The following ARB2A variants were observed in gnomAD, a reference collection of about 807,000 sequenced individuals.
The protein encoded by ARB2A is cotranscriptional regulator ARB2A.
chr5:93,902,015 A>G, the ARB2A span, among the ~76,000 whole-genome samples: 4 of 152,252 alleles, frequency 2.6e-5, no homozygotes, highest in African/African-American at 7.2e-5. Context: ...CAGCTTATCT[A>G]GAATTATTTG....
At chr5:94,069,871 C>T in the ARB2A span, among the ~76,000 whole-genome samples, 1 of 152,112 alleles carries the variant, frequency 6.6e-6, no homozygotes, top group Admixed American at 6.5e-5. Context: ...CCATGGAAAA[C>T]AGTATGGGCA....
At chr5:93,667,777 A>C in the ARB2A span, among the ~76,000 whole-genome samples, 1 of 152,206 alleles carries the variant, frequency 6.6e-6, no homozygotes, top group Non-Finnish European at 1.5e-5. Flanking sequence ...TTAAAAGTCA[A>C]GCCACAATTT....
chr5:93,753,216 C>T, the ARB2A span, among the ~76,000 whole-genome samples: 1 of 152,180 alleles, frequency 6.6e-6, no homozygotes, highest in Non-Finnish European at 1.5e-5. Flanking sequence ...AGTGACACCA[C>T]ATTCTAGAGG....
chr5:94,072,886 A>T, the ARB2A span, among the ~76,000 whole-genome samples: 1 of 152,122 alleles, frequency 6.6e-6, no homozygotes, highest in Non-Finnish European at 1.5e-5. Flanking sequence ...TCATTATTAC[A>T]GCAAACTAAT....
the ARB2A span, among the ~76,000 whole-genome samples, chr5:93,623,096 CTCTAT>C: frequency 6.6e-6 from 1 of 151,998 alleles, no homozygotes; most frequent in African/African-American, 2.4e-5. Flanking sequence ...AAATGTGTGT[CTCTAT>C]TCTATAGTGT....
At chr5:93,725,492 CA>C in the ARB2A span, among the ~76,000 whole-genome samples, 1 of 152,176 alleles carries the variant, frequency 6.6e-6, no homozygotes, top group South Asian at 2.1e-4. Context: ...ATAATTTATG[CA>C]TAACAATCTA....
At chr5:93,911,651 C>CACACACAT in the ARB2A span, among the ~76,000 whole-genome samples, 1 of 151,528 alleles carries the variant, frequency 6.6e-6, no homozygotes, top group Non-Finnish European at 1.5e-5. Flanking sequence ...CACACACACA[C>CACACACAT]ACATACACAC....
At chr5:93,966,302 C>G in the ARB2A span, among the ~76,000 whole-genome samples, 1 of 151,936 alleles carries the variant, frequency 6.6e-6, no homozygotes, top group Non-Finnish European at 1.5e-5. Flanking sequence ...TACCACCATG[C>G]CAAATACTTG....
chr5:93,908,884 TA>T, the ARB2A span, among the ~76,000 whole-genome samples: 9 of 150,766 alleles, frequency 6.0e-5, no homozygotes, highest in African/African-American at 1.7e-4. Flanking sequence ...CCTCCATGTT[TA>T]AAAAAAATGT....
the ARB2A span, among the ~76,000 whole-genome samples, chr5:93,706,304 A>G: frequency 6.6e-6 from 1 of 152,252 alleles, no homozygotes; most frequent in East Asian, 1.9e-4. Context: ...AAAAAGCCAC[A>G]TATTCTGTGA....
At chr5:93,738,789 T>C in the ARB2A span, 3 of 152,168 alleles carry the variant, frequency 2.0e-5, no homozygotes, top group African/African-American at 4.8e-5. Context: ...GGGTAGGGGA[T>C]AGGGGAATGG....
chr5:93,621,196 G>A, the ARB2A span: 2 of 1,446,026 alleles, frequency 1.4e-6, no homozygotes, highest in Admixed American at 2.2e-5. Context: ...GGGCGGCGAG[G>A]GCCAGGCCGA....
chr5:93,630,771 T>C, the ARB2A span, among the ~76,000 whole-genome samples: 1 of 152,040 alleles, frequency 6.6e-6, no homozygotes, highest in African/African-American at 2.4e-5. Context: ...ATGCCCTCTC[T>C]ACCAAAAATA....
At chr5:93,679,749 C>T in the ARB2A span, among the ~76,000 whole-genome samples, 2 of 151,826 alleles carry the variant, frequency 1.3e-5, no homozygotes, top group Admixed American at 1.3e-4. Context: ...AATTTTATGC[C>T]CCAAAATTCA....
chr5:93,958,793 A>G, the ARB2A span: 5 of 1,541,804 alleles, frequency 3.2e-6, no homozygotes, highest in Non-Finnish European at 4.4e-6. Context: ...AGCTCTTTTA[A>G]TAAACGGTAT....
the ARB2A span, among the ~76,000 whole-genome samples, chr5:93,888,710 C>T: frequency 1.3e-5 from 2 of 151,738 alleles, no homozygotes; most frequent in Non-Finnish European, 2.9e-5. Flanking sequence ...AGCTGTTTAA[C>T]GATTACAGTA....
the ARB2A span, among the ~76,000 whole-genome samples, chr5:93,807,214 C>T: frequency 6.6e-6 from 1 of 151,782 alleles, no homozygotes; most frequent in African/African-American, 2.4e-5. Flanking sequence ...TGTTTTTTGG[C>T]AGATCATATA....
the ARB2A span, chr5:93,824,065 G>T: frequency 8.8e-7 from 1 of 1,141,870 alleles, no homozygotes; most frequent in Non-Finnish European, 1.2e-6. Flanking sequence ...ATAACTTAAA[G>T]AGTATTGATA....
the ARB2A span, among the ~76,000 whole-genome samples, chr5:94,093,856 T>C: frequency 3.6e-4 from 55 of 152,168 alleles, no homozygotes; most frequent in Non-Finnish European, 7.8e-4. Context: ...ACAAGTTATG[T>C]ATTTCCAAAA....
Sources: allele counts gnomAD v4.1 joint callset (sites outside exome capture counted in the v4.1 genomes callset), GRCh38; gene constraint gnomAD v4.1.1; transcripts MANE v1.5; gene names NCBI Gene and HGNC (gene_info 2026-07-23, HGNC 2026-07-21).